Variants in SEMA5B observed in about 807,000 individuals in gnomAD.
SEMA5B encodes semaphorin-5B.
A neutral mutation model predicts 135.0 loss-of-function variants in SEMA5B; 66 were observed. The observed-to-expected ratio is 0.49, with a 90% CI of 0.40 to 0.60. SEMA5B has a LOEUF of 0.60. Among genes scored for constraint, SEMA5B ranks in the 20% least tolerant of loss-of-function variants. SEMA5B has a pLI of 0.00. For missense variants in SEMA5B, 1,501 were observed against 1,566.3 expected (o/e 0.96, Z 0.70); for synonymous variants, 690 against 639.5 (o/e 1.08, Z -1.19).
chr3:122,977,521 A>C (rs1054115070), intron 1 of SEMA5B, among the ~76,000 whole-genome samples: 7 of 152,214 alleles, frequency 4.6e-5, no homozygotes, highest in South Asian at 4.1e-4. Context: ...CATCAGGATC[A>C]GAACCCTCTA....
intron 2 of SEMA5B, among the ~76,000 whole-genome samples, chr3:122,959,823 G>A (rs1485866999): frequency 6.6e-6 from 1 of 152,080 alleles, no homozygotes; most frequent in Admixed American, 6.6e-5. Flanking sequence ...TGGTGGTGGT[G>A]GTTTCACTAA....
At chr3:122,978,850 G>A (rs1941425729) in intron 1 of SEMA5B, among the ~76,000 whole-genome samples, 1 of 152,126 alleles carries the variant, frequency 6.6e-6, no homozygotes. Context: ...CACTATTCCA[G>A]GCCCCTTTTA....
chr3:122,987,084 C>T (rs1459836682), intron 1 of SEMA5B, among the ~76,000 whole-genome samples: 1 of 152,004 alleles, frequency 6.6e-6, no homozygotes, highest in African/African-American at 2.4e-5. Context: ...CTCACAGAAC[C>T]GGCGGAAAAA....
At chr3:122,918,028 T>C (rs567026956) in intron 12 of SEMA5B, among the ~76,000 whole-genome samples, 12 of 152,308 alleles carry the variant, frequency 7.9e-5, no homozygotes, top group Admixed American at 2.6e-4. Flanking sequence ...CCTGAATTTA[T>C]TTCCTTCAGC....
At chr3:122,976,924 C>T (rs561213970) in intron 1 of SEMA5B, among the ~76,000 whole-genome samples, 3 of 152,296 alleles carry the variant, frequency 2.0e-5, no homozygotes, top group South Asian at 4.1e-4. Context: ...GTGGCACGCA[C>T]GTGTAATCCC....
At chr3:122,969,487 G>T (rs1345192699) in intron 1 of SEMA5B, among the ~76,000 whole-genome samples, 1 of 152,180 alleles carries the variant, frequency 6.6e-6, no homozygotes, top group African/African-American at 2.4e-5. Context: ...CTGTGTCCTG[G>T]ATGCATTTTC....
chr3:122,975,984 T>A (rs1232675826), intron 1 of SEMA5B: 1 of 1,534,972 alleles, frequency 6.5e-7, no homozygotes, highest in African/African-American at 1.4e-5. Context: ...ACTCTTCATG[T>A]CATGCACTTG....
chr3:123,008,861 G>A (rs570370449), intron 1 of SEMA5B, among the ~76,000 whole-genome samples: 2 of 152,288 alleles, frequency 1.3e-5, no homozygotes, highest in Admixed American at 1.3e-4. Context: ...TTCAGGAGCT[G>A]AGGGGCACAG....
intron 1 of SEMA5B, among the ~76,000 whole-genome samples, chr3:122,997,518 T>TCTCCCCCC (rs764169923): frequency 2.5e-4 from 36 of 142,840 alleles, no homozygotes; most frequent in African/African-American, 5.7e-4. Context: ...CCCAGGCCTC[T>TCTCCCCCC]CCCCCCCCCG....
chr3:122,984,089 T>C (rs1419594496), intron 1 of SEMA5B, among the ~76,000 whole-genome samples: 1 of 152,240 alleles, frequency 6.6e-6, no homozygotes, highest in African/African-American at 2.4e-5. Flanking sequence ...CCTACAACGT[T>C]TTGCTATGGC....
rs557492984 is a variant in SEMA5B at position 122,915,823 on chromosome 3, C to T, written c.1756G>A (p.Glu586Lys). The T allele has an allele frequency of 2.7e-5, 44 of 1,614,092 alleles. No individual in the cohort carries two copies. Among genetic ancestry groups the T allele is most frequent in the Non-Finnish European group, 3.6e-5 (43 of 1,180,026 alleles). The part of the protein sequence containing the change: ...DGKQQRCSTL[E>K]DSSNMSLWTQ... ...CAGAGGCTCATGTTGGAGCTGTCCT[C>T]GAGTGTGCTGCAACGTTGCTGCTTC... The change falls in exon 13 of 23, where the codon GAG becomes AAG. Residue 586 changes from glutamate to lysine, a missense_variant. Transcript: ENST00000357599.
At chr3:122,975,813 C>T (rs1362826571) in intron 1 of SEMA5B, among the ~76,000 whole-genome samples, 2 of 152,096 alleles carry the variant, frequency 1.3e-5, no homozygotes, top group Non-Finnish European at 2.9e-5. Context: ...GGTCACATTA[C>T]TCTGCTGCTT....
At chr3:122,920,113 C>A (rs1315681993) in intron 12 of SEMA5B, among the ~76,000 whole-genome samples, 1 of 152,244 alleles carries the variant, frequency 6.6e-6, no homozygotes, top group Non-Finnish European at 1.5e-5. Context: ...GATCTTTTCA[C>A]ACAGCCCGTG....
In SEMA5B at chr3:122,915,297, A is replaced by G. The variant is rs182254054; in HGVS notation, c.1988+143T>C. On this transcript the variant is annotated intron_variant, in intron 14 of 22. Transcript: ENST00000357599. Reference sequence around the variant, plus strand: ...AGGGCTCAGGTTTCCTGCCTCAGATATTAGCCACCTATCCAGTCCCTAGCA... The same window carrying G: ...AGGGCTCAGGTTTCCTGCCTCAGATGTTAGCCACCTATCCAGTCCCTAGCA... 975 of 703,506 alleles carry G rather than the reference A, an allele frequency of 1.4e-3. 1 individual carries two copies. Among genetic ancestry groups the G allele is most frequent in the Non-Finnish European group, 1.5e-3 (692 of 449,054 alleles). The allele number at this position is 703,506 out of a possible 1,614,324, so 43.6% of individuals were successfully genotyped here. A position where few individuals can be genotyped will look rare whatever the true frequency, so the allele number is the denominator to read the frequency against.
chr3:122,923,045 A>G (rs1199262261), intron 10 of SEMA5B, among the ~76,000 whole-genome samples: 3 of 152,196 alleles, frequency 2.0e-5, no homozygotes, highest in African/African-American at 4.8e-5. Flanking sequence ...GTAGGACTGC[A>G]AAGCTTGAGG....
chr3:122,915,075 C>T (rs774872198), intron 14 of SEMA5B, among the ~76,000 whole-genome samples: 3 of 152,210 alleles, frequency 2.0e-5, no homozygotes, highest in Non-Finnish European at 2.9e-5. Context: ...GCCACACCTC[C>T]AGACAGTGGC....
chr3:122,986,567 G>A (rs1171857856), intron 1 of SEMA5B, among the ~76,000 whole-genome samples: 2 of 151,388 alleles, frequency 1.3e-5, no homozygotes, highest in African/African-American at 4.9e-5. Context: ...GGGGGCACTG[G>A]GAGATGAGGC....
chr3:123,009,254 T>C (rs1942383983), intron 1 of SEMA5B, among the ~76,000 whole-genome samples: 1 of 152,146 alleles, frequency 6.6e-6, no homozygotes, highest in Non-Finnish European at 1.5e-5. Context: ...GGGTTGAGAC[T>C]TCCCTACTTT....
intron 14 of SEMA5B, 115 bp from the exon 15 acceptor site, chr3:122,914,116 A>G: frequency 8.6e-7 from 1 of 1,156,532 alleles, no homozygotes. Flanking sequence ...CTGGACAGTG[A>G]CATAGAAATA....
Sources: gnomAD v4.1 joint callset for allele counts (sites outside exome capture counted in the v4.1 genomes callset) on GRCh38, gnomAD v4.1.1 for gene constraint, MANE v1.5 for transcripts, NCBI Gene and HGNC (gene_info 2026-07-23, HGNC 2026-07-21) for gene names.